Variants in SLC38A11 observed in about 807,000 individuals in gnomAD.
SLC38A11 encodes the protein solute carrier family 38 member 11.
A neutral mutation model predicts 49.4 loss-of-function variants in SLC38A11; 51 were observed. That is an observed-to-expected ratio of 1.03 (90% CI 0.83 to 1.30). SLC38A11 has a LOEUF of 1.30. Ranked by LOEUF, SLC38A11 falls within the 50% of genes most tolerant of loss-of-function variation. SLC38A11 has a pLI of 0.00. For synonymous variants in SLC38A11, 203 were observed against 192.9 expected (o/e 1.05, Z -0.43); for missense variants, 574 against 556.2 (o/e 1.03, Z -0.32).
At chr2:164,932,514 A>T (rs1378283472) in intron 7 of SLC38A11, among the ~76,000 whole-genome samples, 1 of 152,186 alleles carries the variant, frequency 6.6e-6, no homozygotes, top group Non-Finnish European at 1.5e-5. Flanking sequence ...GGCAGACTGG[A>T]TAAAGAAAAT....
At chr2:164,905,550 G>GT (rs1379148202) in intron 11 of SLC38A11, among the ~76,000 whole-genome samples, 1 of 152,124 alleles carries the variant, frequency 6.6e-6, no homozygotes, top group Non-Finnish European at 1.5e-5. Context: ...ATTAGACATG[G>GT]TAAGTGTCCA....
At chr2:164,913,749 A>G (rs1418730062) in intron 9 of SLC38A11, among the ~76,000 whole-genome samples, 1 of 152,106 alleles carries the variant, frequency 6.6e-6, no homozygotes, top group Non-Finnish European at 1.5e-5. Flanking sequence ...TTGGCAAACT[A>G]TGTAGCAATA....
chr2:164,935,284 A>G (rs1687285729), intron 7 of SLC38A11, among the ~76,000 whole-genome samples: 1 of 152,028 alleles, frequency 6.6e-6, no homozygotes, highest in East Asian at 1.9e-4. Context: ...TCAGGGCACA[A>G]CACAATCACT....
At chr2:164,953,478 C>T (rs995135046) in intron 2 of SLC38A11, among the ~76,000 whole-genome samples, 1 of 152,102 alleles carries the variant, frequency 6.6e-6, no homozygotes, top group Admixed American at 6.5e-5. Flanking sequence ...ATTGCTGACA[C>T]GGCTTAACTT....
chr2:164,904,616 T>C (rs1684872155), intron 11 of SLC38A11, among the ~76,000 whole-genome samples: 1 of 152,184 alleles, frequency 6.6e-6, no homozygotes, highest in Admixed American at 6.5e-5. Flanking sequence ...AATTGTTATC[T>C]AAGATAAAAG....
At chr2:164,916,375 G>A (rs775626508) in intron 7 of SLC38A11, among the ~76,000 whole-genome samples, 3 of 151,860 alleles carry the variant, frequency 2.0e-5, no homozygotes, top group Non-Finnish European at 2.9e-5. Flanking sequence ...TTTTTTTCAG[G>A]CTTAACCTAC....
rs1180097847 is a variant in SLC38A11 at position 164,900,948 on chromosome 2, G to T, written c.1096-2218C>A. 3.3e-5 allele frequency among the ~76,000 whole-genome samples: 5 copies of T among 152,050 alleles called. No individual in the cohort carries two copies. The East Asian group carries it at 5.8e-4, about 18-fold the overall frequency. ...TTTACAGTTTTGGGCCTTACATTTA[G>T]GTATCTTATCCATTTGGAATTGATT... On this transcript the variant is annotated intron_variant, in intron 11 of 11. Coordinates refer to ENST00000685975, the MANE Select transcript of SLC38A11 (RefSeq NM_001351537.2).
chr2:164,905,907 G>A (rs1395155185), intron 11 of SLC38A11, among the ~76,000 whole-genome samples: 1 of 152,018 alleles, frequency 6.6e-6, no homozygotes, highest in Admixed American at 6.6e-5. Context: ...TTTAATACCA[G>A]AATTCTGTAT....
chr2:164,908,431 A>C (rs933135205), intron 11 of SLC38A11, among the ~76,000 whole-genome samples: 4 of 152,126 alleles, frequency 2.6e-5, no homozygotes, highest in African/African-American at 9.7e-5. Context: ...TGACGACCCC[A>C]TATGTCTCTA....
rs139693718 is a variant in SLC38A11 at position 164,945,649 on chromosome 2, A to G, written c.308T>C (p.Phe103Ser). 1.2e-3 allele frequency: 1,871 copies of G among 1,612,130 alleles called. 11 individuals carry two copies. Among genetic ancestry groups the G allele is most frequent in the South Asian group, 3.6e-3 (323 of 90,386 alleles). Residue 103 changes from phenylalanine (F) to serine (S), a missense_variant, in exon 4 of 12, where the codon TTC becomes TCC. Coordinates refer to ENST00000685975, the MANE Select transcript of SLC38A11 (RefSeq NM_001351537.2). Reference sequence around the variant, plus strand: ...GAGGAGCAGATACCCTGGAAAGCCGAAAGTTTTATTGACCAAAGACTGGTA... The same window carrying G: ...GAGGAGCAGATACCCTGGAAAGCCGGAAGTTTTATTGACCAAAGACTGGTA... ...DTYQSLVNKTFGFPGYLLLSV... is the reference protein window; with the variant it reads ...DTYQSLVNKTSGFPGYLLLSV...
intron 5 of SLC38A11, among the ~76,000 whole-genome samples, chr2:164,942,068 C>T (rs918165859): frequency 6.6e-6 from 1 of 152,008 alleles, no homozygotes; most frequent in African/African-American, 2.4e-5. Flanking sequence ...TCTGTGTTTT[C>T]TAATATTTTT....
Position 164,921,495 on chromosome 2 carries a change from A to T in SLC38A11, c.618-5522T>A, listed in dbSNP as rs1306972126. On this transcript the variant is annotated intron_variant, in intron 7 of 11. Transcript: ENST00000685975. ...TGCCACCACACTTGGCTATATTTTT[A>T]ATTTTTTTTTTTTTTGTAGAGGTGG... Among the ~76,000 whole-genome samples the T allele has an allele frequency of 7.1e-5, 10 of 141,060 alleles. No individual in the cohort carries two copies. In the East Asian group the frequency reaches 2.1e-3, roughly 30 times the overall value. 92.5% of individuals were successfully genotyped at this position (141,060 alleles called of 152,430 possible).
At chr2:164,936,957 G>C (rs563171301) in intron 7 of SLC38A11, among the ~76,000 whole-genome samples, 1 of 152,188 alleles carries the variant, frequency 6.6e-6, no homozygotes, top group East Asian at 1.9e-4. Context: ...AGAGAATAAA[G>C]GATGGTTTTC....
chr2:164,933,247 T>G (rs918700134), intron 7 of SLC38A11, among the ~76,000 whole-genome samples: 1 of 131,560 alleles, frequency 7.6e-6, no homozygotes, highest in Middle Eastern at 4.0e-3. Flanking sequence ...AATGAAGGGT[T>G]TTTTTTTAAC....
At chr2:164,928,854 TTATCC>T (rs1341781153) in intron 7 of SLC38A11, among the ~76,000 whole-genome samples, 2 of 152,132 alleles carry the variant, frequency 1.3e-5, no homozygotes, top group Non-Finnish European at 2.9e-5. Context: ...CCTTATATTC[TTATCC>T]TATTGTTTCA....
intron 7 of SLC38A11, among the ~76,000 whole-genome samples, chr2:164,923,500 A>T (rs978687807): frequency 3.3e-5 from 5 of 150,790 alleles, no homozygotes; most frequent in African/African-American, 1.2e-4. Context: ...TTATCAGAGA[A>T]ATGCAAATCA....
chr2:164,912,089 C>A (rs1685445146), intron 9 of SLC38A11: 1 of 156,302 alleles, frequency 6.4e-6, no homozygotes, highest in Admixed American at 6.5e-5. Context: ...AATCACCTAA[C>A]AATGCATTTC....
intron 11 of SLC38A11, among the ~76,000 whole-genome samples, chr2:164,900,401 A>G (rs1353199521): frequency 2.0e-5 from 3 of 152,004 alleles, no homozygotes; most frequent in Non-Finnish European, 4.4e-5. Flanking sequence ...GACTATTCCA[A>G]TGTACATTCC....
chr2:164,902,608 C>T (rs1684731652), intron 11 of SLC38A11, among the ~76,000 whole-genome samples: 1 of 152,004 alleles, frequency 6.6e-6, no homozygotes, highest in Admixed American at 6.6e-5. Flanking sequence ...GGGAAAATAA[C>T]AGCAAAATAA....
Sources: allele counts gnomAD v4.1 joint callset (sites outside exome capture counted in the v4.1 genomes callset), GRCh38; gene constraint gnomAD v4.1.1; transcripts MANE v1.5; gene names NCBI Gene and HGNC (gene_info 2026-07-23, HGNC 2026-07-21).